RAB27B: variants seen among roughly 807,000 people sequenced by gnomAD.
RAB27B encodes the protein RAB27B, member RAS oncogene family, also known as ras-related protein Rab-27B.
In RAB27B, 15 loss-of-function variants were observed where a neutral mutation model predicts 24.6. That is an observed-to-expected ratio of 0.61 (90% CI 0.41 to 0.94). The LOEUF (loss-of-function observed/expected upper bound fraction) is 0.94, where lower values mean the gene tolerates loss of function less well. Among genes scored for constraint, RAB27B ranks in the 40% least tolerant of loss-of-function variants. The pLI, the probability that RAB27B is intolerant of heterozygous loss-of-function variation, is 0.00. For synonymous variants in RAB27B, 105 were observed against 92.5 expected (o/e 1.14, Z -0.78); for missense variants, 261 against 266.8 (o/e 0.98, Z 0.15).
At chr18:54,744,423 A>G (rs906030582) in intron 2 of RAB27B, among the ~76,000 whole-genome samples, 2 of 152,186 alleles carry the variant, frequency 1.3e-5, no homozygotes, top group Non-Finnish European at 2.9e-5. Context: ...AGCAATCTAG[A>G]CCCAACAGCT....
intron 2 of RAB27B, among the ~76,000 whole-genome samples, chr18:54,784,261 G>T (rs892081240): frequency 6.6e-6 from 1 of 152,148 alleles, no homozygotes; most frequent in Non-Finnish European, 1.5e-5. Flanking sequence ...ATCATAACTG[G>T]CCTTCACCTT....
At chr18:54,888,515 T>C (rs932708264) in intron 5 of RAB27B, among the ~76,000 whole-genome samples, 4 of 152,118 alleles carry the variant, frequency 2.6e-5, no homozygotes, top group African/African-American at 9.6e-5. Flanking sequence ...AAACACTGTA[T>C]TCTTCTGCCT....
intron 1 of RAB27B, among the ~76,000 whole-genome samples, chr18:54,865,858 A>G (rs1912198054): frequency 1.3e-5 from 2 of 152,226 alleles, no homozygotes; most frequent in Non-Finnish European, 2.9e-5. Flanking sequence ...ATCAGGATAT[A>G]TAAGCAGGAT....
chr18:54,799,919 T>C (rs1446629317), intron 2 of RAB27B, among the ~76,000 whole-genome samples: 2 of 152,186 alleles, frequency 1.3e-5, no homozygotes, highest in African/African-American at 4.8e-5. Context: ...GTGCTGGGAT[T>C]ACAGGTGTAA....
At chr18:54,806,751 G>A (rs1909803152) in intron 2 of RAB27B, among the ~76,000 whole-genome samples, 1 of 151,586 alleles carries the variant, frequency 6.6e-6, no homozygotes, top group African/African-American at 2.4e-5. Flanking sequence ...TATTTAAAAT[G>A]TTAACAACTA....
At chr18:54,850,799 A>C (rs1397975526) in intron 1 of RAB27B, among the ~76,000 whole-genome samples, 1 of 150,594 alleles carries the variant, frequency 6.6e-6, no homozygotes, top group Non-Finnish European at 1.5e-5. Flanking sequence ...TAATTTAAAT[A>C]TTTTTAAAAT....
At chr18:54,733,476 C>A (rs1044319491) in intron 2 of RAB27B, among the ~76,000 whole-genome samples, 2 of 150,910 alleles carry the variant, frequency 1.3e-5, no homozygotes, top group African/African-American at 4.9e-5. Context: ...TATTGAGCAA[C>A]TACTGAGGTC....
At chr18:54,794,700 A>G (rs1909359549) in intron 2 of RAB27B, among the ~76,000 whole-genome samples, 1 of 152,214 alleles carries the variant, frequency 6.6e-6, no homozygotes, top group Non-Finnish European at 1.5e-5. Flanking sequence ...GAGACCTGAC[A>G]ACATGTCCAA....
chr18:54,754,626 C>T (rs570035940), intron 2 of RAB27B, among the ~76,000 whole-genome samples: 127 of 152,234 alleles, frequency 8.3e-4, no homozygotes, highest in African/African-American at 2.8e-3. Context: ...ATCTTGTCTA[C>T]GTAAAGGTAA....
At chr18:54,756,858 A>G (rs1159117463) in intron 2 of RAB27B, among the ~76,000 whole-genome samples, 1 of 152,194 alleles carries the variant, frequency 6.6e-6, no homozygotes, top group African/African-American at 2.4e-5. Context: ...CATAGTACTC[A>G]TCAGGTTCTT....
At chr18:54,798,927 A>G (rs777875800) in intron 2 of RAB27B, among the ~76,000 whole-genome samples, 11 of 152,216 alleles carry the variant, frequency 7.2e-5, no homozygotes, top group Non-Finnish European at 1.5e-5. Flanking sequence ...ATCCTCAAGG[A>G]CAAAGATGAA....
At chr18:54,779,433 C>G (rs527558228) in intron 2 of RAB27B, among the ~76,000 whole-genome samples, 19 of 152,322 alleles carry the variant, frequency 1.2e-4, no homozygotes, top group South Asian at 1.2e-3. Flanking sequence ...GAGAATCCCA[C>G]ATCCAGAGAC....
At chr18:54,750,702 C>G (rs1297620047) in intron 2 of RAB27B, among the ~76,000 whole-genome samples, 4 of 152,168 alleles carry the variant, frequency 2.6e-5, no homozygotes, top group East Asian at 1.9e-4. Context: ...TCACCGAATT[C>G]AAGACACTCA....
In RAB27B at chr18:54,892,744, G is replaced by T. The variant is rs886605946; in HGVS notation, c.*3331G>T. On this transcript the variant is annotated 3_prime_UTR_variant, in exon 6 of 6. Coordinates refer to ENST00000262094, the MANE Select transcript of RAB27B (RefSeq NM_004163.4). ...TATCATTTTCGTATTATCAGCTATCGCCCTGTAAAATATTCAAAACTAGCT... is the reference window on the plus strand; with the variant it reads ...TATCATTTTCGTATTATCAGCTATCTCCCTGTAAAATATTCAAAACTAGCT... The T allele has an allele frequency of 6.6e-6, 1 of 151,864 alleles. No homozygotes were observed. Among genetic ancestry groups the T allele is most frequent in the South Asian group, 2.1e-4 (1 of 4,828 alleles). The allele number at this position is 151,864 out of a possible 1,614,324, so 9.4% of individuals were successfully genotyped here.
intron 2 of RAB27B, among the ~76,000 whole-genome samples, chr18:54,818,800 T>G (rs1910200983): frequency 6.6e-6 from 1 of 152,190 alleles, no homozygotes; most frequent in Admixed American, 6.5e-5. Context: ...AATGAGAAGT[T>G]CTTATTAATT....
chr18:54,746,409 T>G (rs1910249787), intron 2 of RAB27B, among the ~76,000 whole-genome samples: 1 of 152,180 alleles, frequency 6.6e-6, no homozygotes, highest in African/African-American at 2.4e-5. Context: ...TTTAAAGACT[T>G]GTTTTGAAGT....
chr18:54,722,177 T>C (rs946203359), intron 2 of RAB27B, among the ~76,000 whole-genome samples: 12 of 152,194 alleles, frequency 7.9e-5, no homozygotes, highest in African/African-American at 2.7e-4. Context: ...AGTATTTGAT[T>C]GTTTTACCAC....
At chr18:54,884,617 G>A (rs1217294532) in intron 4 of RAB27B, among the ~76,000 whole-genome samples, 181 bp downstream of exon 4, 1 of 152,118 alleles carries the variant, frequency 6.6e-6, no homozygotes. Flanking sequence ...GACCACCCTA[G>A]GTAGCTTGGA....
chr18:54,804,679 G>A (rs992197416), intron 2 of RAB27B, among the ~76,000 whole-genome samples: 8 of 152,158 alleles, frequency 5.3e-5, no homozygotes, highest in Admixed American at 2.0e-4. Context: ...TGAAAACTAA[G>A]TGTAATACAT....
Sources: gnomAD v4.1 joint callset for allele counts (sites outside exome capture counted in the v4.1 genomes callset) on GRCh38, gnomAD v4.1.1 for gene constraint, MANE v1.5 for transcripts, NCBI Gene and HGNC (gene_info 2026-07-23, HGNC 2026-07-21) for gene names.